LINS1: variants seen among roughly 807,000 people sequenced by gnomAD.
LINS1 encodes lines homolog 1, also known as protein Lines homolog 1.
Under a neutral mutation model 41.6 loss-of-function variants are expected in LINS1, and 27 were observed. That is an observed-to-expected ratio of 0.65 (90% CI 0.48 to 0.89). The LOEUF (loss-of-function observed/expected upper bound fraction) is 0.89, where lower values mean the gene tolerates loss of function less well. Among genes scored for constraint, LINS1 ranks in the 40% least tolerant of loss-of-function variants. The pLI, the probability that LINS1 is intolerant of heterozygous loss-of-function variation, is 0.00. For missense variants in LINS1, 955 were observed against 884.1 expected (o/e 1.08, Z -1.02); for synonymous variants, 336 against 312.9 (o/e 1.07, Z -0.78).
chr15:100,584,631 C>G (rs1014791896), intron 1 of LINS1, among the ~76,000 whole-genome samples: 1 of 152,178 alleles, frequency 6.6e-6, no homozygotes, highest in African/African-American at 2.4e-5. Context: ...CCACTATCCT[C>G]TTACAACATG....
chr15:100,585,651 G>C (rs188796925), intron 1 of LINS1, among the ~76,000 whole-genome samples: 35 of 152,154 alleles, frequency 2.3e-4, no homozygotes, highest in Non-Finnish European at 4.0e-4. Flanking sequence ...CAAGCTATTG[G>C]ATCTTCGTTC....
Position 100,567,452 on chromosome 15 carries a change from A to G in LINS1, c.*1786T>C, listed in dbSNP as rs1018925523. The G allele has an allele frequency of 1.3e-5, 2 of 152,234 alleles. No individual in the cohort carries two copies. The highest frequency in any genetic ancestry group is 1.5e-5 in the Non-Finnish European group (1 of 68,042). 9.4% of individuals were successfully genotyped at this position (152,234 alleles called of 1,614,324 possible). ...CTTTCTTATGTAGTCTTACATACATATTTTATACATGCACAAAAGCATATA... is the reference window on the plus strand; with the variant it reads ...CTTTCTTATGTAGTCTTACATACATGTTTTATACATGCACAAAAGCATATA... On this transcript the variant is annotated 3_prime_UTR_variant, in exon 7 of 7. Transcript: ENST00000314742.
At chr15:100,591,530 C>T (rs1388250049) in intron 1 of LINS1, among the ~76,000 whole-genome samples, 1 of 152,200 alleles carries the variant, frequency 6.6e-6, no homozygotes, top group East Asian at 1.9e-4. Context: ...ACAGACCAAA[C>T]CAAACCAAAC....
At position 100,568,656 on chromosome 15, in the gene LINS1, G is replaced by A. The variant is rs761014000; in HGVS notation, c.*582C>T. 34 of 152,760 alleles carry A rather than the reference G, an allele frequency of 2.2e-4. No homozygotes were observed. Among genetic ancestry groups the A allele is most frequent in the South Asian group, 4.1e-4 (2 of 4,854 alleles). The allele number at this position is 152,760 out of a possible 1,614,324, so 9.5% of individuals were successfully genotyped here. ...CCAGGTGTCTGAAGCTGCGGCACAC[G>A]TGGCAAGTTGTTACGGCAGCCCTAG... On this transcript the variant is annotated 3_prime_UTR_variant, in exon 7 of 7. Coordinates refer to ENST00000314742, the MANE Select transcript of LINS1 (RefSeq NM_001040616.3).
chr15:100,580,511 T>C lies in LINS1; in HGVS notation c.332A>G (p.His111Arg). The change falls in exon 2 of 7, where the codon CAT (histidine) becomes CGT (arginine). Residue 111 changes from histidine (H) to arginine (R), a missense_variant. Physicochemically the swap from His to Arg is conservative, Grantham distance 29. Coordinates refer to ENST00000314742, the MANE Select transcript of LINS1 (RefSeq NM_001040616.3). ...TACATCTCTGTACTGCTCCTTTGCA[T>C]GGAACTCGGTTTTGACAGACAATAT... The part of the protein sequence containing the change: ...TRILSVKTEF[H>R]AKEQYRDVIK... 1.2e-6 allele frequency: 2 copies of C among 1,614,108 alleles called. No individual in the cohort carries two copies. The highest frequency in any genetic ancestry group is 2.2e-5 in the East Asian group (1 of 44,892).
chr15:100,594,343 T>C (rs908404432), intron 1 of LINS1, among the ~76,000 whole-genome samples: 19 of 152,224 alleles, frequency 1.2e-4, no homozygotes, highest in Admixed American at 6.5e-5. Context: ...CAGGCCAGCA[T>C]GGTAATCAGA....
rs1361744468 is a variant in LINS1 at position 100,575,040 on chromosome 15, G to A, written c.578C>T (p.Thr193Ile). The A allele has an allele frequency of 4.3e-6, 7 of 1,612,778 alleles. No homozygotes were observed. Among genetic ancestry groups the A allele is most frequent in the Admixed American group, 3.3e-5 (2 of 59,996 alleles). The change falls in exon 4 of 7, where the codon ACT (threonine) becomes ATT (isoleucine). Residue 193 changes from threonine (T) to isoleucine (I), a missense_variant. Coordinates refer to ENST00000314742, the MANE Select transcript of LINS1 (RefSeq NM_001040616.3). ...ESNKAIYCLWTLTAIIKEIFK... is the reference protein window; with the variant it reads ...ESNKAIYCLWILTAIIKEIFK... ...GATTTCTTTTATTATTGCTGTAAGAGTCCAGAGGCAGTATATTGCTTTATT... is the reference window on the plus strand; with the variant it reads ...GATTTCTTTTATTATTGCTGTAAGAATCCAGAGGCAGTATATTGCTTTATT...
intron 3 of LINS1, among the ~76,000 whole-genome samples, 168 bp downstream of exon 3, chr15:100,580,095 C>G (rs945062079): frequency 6.6e-6 from 1 of 152,094 alleles, no homozygotes. Context: ...TGCCACGGCT[C>G]TCGTCTTTAA....
At chr15:100,573,392 G>A (rs975791106) in intron 5 of LINS1, 2 of 1,256,122 alleles carry the variant, frequency 1.6e-6, no homozygotes, top group Non-Finnish European at 2.0e-6. Flanking sequence ...CTTACTTTGA[G>A]ATGACTCAAC....
At chr15:100,578,029 T>C (rs965712549) in intron 3 of LINS1, among the ~76,000 whole-genome samples, 5 of 152,104 alleles carry the variant, frequency 3.3e-5, no homozygotes, top group Admixed American at 2.6e-4. Context: ...TAATTCAAGA[T>C]GGATTAAAGA....
chr15:100,572,706 A>C (rs1349512025), intron 5 of LINS1: 1 of 986,128 alleles, frequency 1.0e-6, no homozygotes, highest in Admixed American at 6.1e-5. Flanking sequence ...CTTTTCACTG[A>C]ATCTGTATGC....
At chr15:100,601,669 A>C (rs1186456502) in intron 1 of LINS1, among the ~76,000 whole-genome samples, 2 of 152,176 alleles carry the variant, frequency 1.3e-5, no homozygotes, top group African/African-American at 4.8e-5. Context: ...CCCCGAAATC[A>C]CTATCTTGTT....
chr15:100,578,188 C>A (rs2038304496), intron 3 of LINS1, among the ~76,000 whole-genome samples: 1 of 152,044 alleles, frequency 6.6e-6, no homozygotes, highest in Non-Finnish European at 1.5e-5. Context: ...TCTAATTAAA[C>A]TAAAGAGCTT....
At chr15:100,581,586 G>C (rs1242401747) in intron 1 of LINS1, among the ~76,000 whole-genome samples, 1 of 152,196 alleles carries the variant, frequency 6.6e-6, no homozygotes, top group Non-Finnish European at 1.5e-5. Context: ...AGTTACTATA[G>C]AGGGAGTATG....
chr15:100,569,564 T>C lies in LINS1; in HGVS notation c.1948A>G (p.Thr650Ala), dbSNP rs780808112. Residue 650 changes from threonine to alanine, a missense_variant, in exon 7 of 7, where the codon ACA becomes GCA. Physicochemically the swap from Thr to Ala is moderately conservative, Grantham distance 58 (BLOSUM62 0). Transcript: ENST00000314742. ...TEQCLANSKQ[T>A]SLHQQATKEI... ...TTAGTTGCTTGCTGGTGTAAAGATGTCTGTTTACTGTTAGCTAAACACTGC... is the reference window on the plus strand; with the variant it reads ...TTAGTTGCTTGCTGGTGTAAAGATGCCTGTTTACTGTTAGCTAAACACTGC... 6.2e-7 allele frequency: 1 copy of C among 1,614,150 alleles called. No individual in the cohort carries two copies. The highest frequency in any genetic ancestry group is 8.5e-7 in the Non-Finnish European group (1 of 1,179,992).
At chr15:100,579,124 T>A (rs1477131299) in intron 3 of LINS1, among the ~76,000 whole-genome samples, 1 of 150,618 alleles carries the variant, frequency 6.6e-6, no homozygotes. Flanking sequence ...TGTATACATA[T>A]GTAACAAACC....
At chr15:100,591,014 C>T (rs914054762) in intron 1 of LINS1, among the ~76,000 whole-genome samples, 2 of 151,992 alleles carry the variant, frequency 1.3e-5, no homozygotes, top group Admixed American at 6.6e-5. Context: ...CCTGTCTCTA[C>T]TAAAAATACA....
intron 1 of LINS1, among the ~76,000 whole-genome samples, chr15:100,598,582 C>G (rs1272804005): frequency 1.3e-5 from 2 of 152,194 alleles, no homozygotes; most frequent in African/African-American, 4.8e-5. Context: ...ACCAAAATCC[C>G]TTAAATTACC....
intron 1 of LINS1, among the ~76,000 whole-genome samples, chr15:100,592,148 T>C (rs2141349148): frequency 6.6e-6 from 1 of 152,206 alleles, no homozygotes; most frequent in Admixed American, 6.5e-5. Flanking sequence ...CTCAGAAAAT[T>C]CTGTAACGGG....
Sources: gnomAD v4.1 joint callset for allele counts (sites outside exome capture counted in the v4.1 genomes callset) on GRCh38, gnomAD v4.1.1 for gene constraint, MANE v1.5 for transcripts, NCBI Gene and HGNC (gene_info 2026-07-23, HGNC 2026-07-21) for gene names.